The following LAMA2 variants were observed in gnomAD, a reference collection of about 807,000 sequenced individuals.
LAMA2 encodes laminin subunit alpha-2.
LAMA2 carries 269 observed loss-of-function variants against 364.8 expected under a neutral mutation model. That is an observed-to-expected ratio of 0.74 (90% CI 0.67 to 0.82). LAMA2 has a LOEUF of 0.82. LAMA2 is among the 40% of genes least tolerant of loss of function. LAMA2 has a pLI of 0.00. For missense variants in LAMA2, 3,807 were observed against 3,873.2 expected (o/e 0.98, Z 0.45); for synonymous variants, 1,379 against 1,370.6 (o/e 1.01, Z -0.14).
At chr6:129,389,852 C>G (rs1442336930) in intron 35 of LAMA2, among the ~76,000 whole-genome samples, 1 of 152,104 alleles carries the variant, frequency 6.6e-6, no homozygotes, top group Non-Finnish European at 1.5e-5. Flanking sequence ...CAGTCACCAC[C>G]CACCAGGCCC....
At chr6:129,456,662 A>T (rs1290102542) in intron 48 of LAMA2, among the ~76,000 whole-genome samples, 168 bp downstream of exon 48, 1 of 152,182 alleles carries the variant, frequency 6.6e-6, no homozygotes, top group Admixed American at 6.5e-5. Flanking sequence ...TTCTTTGACG[A>T]TTCAACCTGG....
chr6:129,040,855 A>G (rs999452034), intron 1 of LAMA2, among the ~76,000 whole-genome samples: 11 of 152,298 alleles, frequency 7.2e-5, no homozygotes, highest in African/African-American at 2.6e-4. Flanking sequence ...GAAATATATC[A>G]TAGGACTTGT....
chr6:128,890,182 A>G lies in LAMA2; in HGVS notation c.112+6825A>G, dbSNP rs1484439493. On this transcript the variant is annotated intron_variant, in intron 1 of 64. Transcript: ENST00000421865. ...GTGCCAGATGGTTTAGATTGGTATA[A>G]TAATATGTAGTGCATTGTGAGCATT... Among the ~76,000 whole-genome samples, 3 of 152,296 alleles carry G rather than the reference A, an allele frequency of 2.0e-5. No homozygotes were observed. The South Asian group carries it at 6.2e-4, about 32-fold the overall frequency.
At chr6:129,089,351 T>C (rs1774659224) in intron 3 of LAMA2, among the ~76,000 whole-genome samples, 1 of 152,242 alleles carries the variant, frequency 6.6e-6, no homozygotes, top group Admixed American at 6.5e-5. Context: ...ATGTCATAAA[T>C]TGGAGAATGT....
chr6:129,495,212 T>C lies in LAMA2; in HGVS notation c.8244+2729T>C, dbSNP rs147593313. Among the ~76,000 whole-genome samples the C allele has an allele frequency of 1.5e-3, 235 of 152,310 alleles. 2 individuals are homozygous for C. The highest frequency in any genetic ancestry group is 5.4e-3 in the African/African-American group (226 of 41,572). On this transcript the variant is annotated intron_variant, in intron 58 of 64. Transcript: ENST00000421865. Reference sequence around the variant, plus strand: ...GTCCCTAAAACTTCTATGTAATGATTGTATTTCTATAGGCAAACACATTAC... The same window carrying C: ...GTCCCTAAAACTTCTATGTAATGATCGTATTTCTATAGGCAAACACATTAC...
chr6:128,911,866 C>G (rs1777988990), intron 1 of LAMA2, among the ~76,000 whole-genome samples: 1 of 152,110 alleles, frequency 6.6e-6, no homozygotes, highest in East Asian at 1.9e-4. Flanking sequence ...TTTCATCTGT[C>G]TTAGAATTTC....
rs559393690 is a variant in LAMA2, at chr6:128,970,119, T to C, written c.113-79799T>C. 3.9e-5 allele frequency among the ~76,000 whole-genome samples: 6 copies of C among 152,290 alleles called. No individual in the cohort carries two copies. The South Asian group carries it at 8.3e-4, about 21-fold the overall frequency. The stretch of plus-strand genomic sequence containing the variant: ...TTATAAGTCATAAGCTGCAAGTCAG[T>C]AGCATCATTATGTTGATGAATTACC... On this transcript the variant is annotated intron_variant, in intron 1 of 64. Coordinates refer to ENST00000421865, the MANE Select transcript of LAMA2 (RefSeq NM_000426.4).
At chr6:128,905,488 A>T (rs1777384896) in intron 1 of LAMA2, 1 of 152,170 alleles carries the variant, frequency 6.6e-6, no homozygotes, top group Non-Finnish European at 1.5e-5. Flanking sequence ...TGCAGTTATA[A>T]GTCTATAACT....
intron 4 of LAMA2, among the ~76,000 whole-genome samples, chr6:129,103,451 T>C (rs1361428066): frequency 6.6e-6 from 1 of 152,222 alleles, no homozygotes; most frequent in African/African-American, 2.4e-5. Flanking sequence ...TATTGTTATC[T>C]AAACCACAGA....
intron 1 of LAMA2, among the ~76,000 whole-genome samples, chr6:129,008,806 A>G (rs1258287417): frequency 6.6e-6 from 1 of 152,170 alleles, no homozygotes; most frequent in Non-Finnish European, 1.5e-5. Context: ...TACTTTTTGG[A>G]TAGAATCAGT....
chr6:129,291,723 A>C lies in LAMA2; in HGVS notation c.2856+3A>C, dbSNP rs1244055222. On this transcript the variant is annotated splice_donor_region_variant and intron_variant, in intron 20 of 64. Transcript: ENST00000421865. The stretch of plus-strand genomic sequence containing the variant: ...GTCAGAGATGTGACAAATGCAAGGT[A>C]AGGAGTAGAGGCTGACCCATAAATT... 2.5e-6 allele frequency: 4 copies of C among 1,598,090 alleles called. No homozygotes were observed. The highest frequency in any genetic ancestry group is 1.3e-5 in the African/African-American group (1 of 74,554).
At chr6:129,141,136 G>C (rs1778100668) in intron 4 of LAMA2, among the ~76,000 whole-genome samples, 1 of 152,046 alleles carries the variant, frequency 6.6e-6, no homozygotes, top group African/African-American at 2.4e-5. Flanking sequence ...TTTGGGGACA[G>C]TCAAGAGAGA....
At chr6:129,327,899 T>G (rs145163319) in intron 28 of LAMA2, among the ~76,000 whole-genome samples, 1 of 152,344 alleles carries the variant, frequency 6.6e-6, no homozygotes, top group East Asian at 1.9e-4. Context: ...ATTTGCTAGT[T>G]ATCCATCAAG....
intron 3 of LAMA2, among the ~76,000 whole-genome samples, chr6:129,092,454 G>T (rs1774902125): frequency 6.6e-6 from 1 of 152,116 alleles, no homozygotes; most frequent in African/African-American, 2.4e-5. Context: ...TTCCTATTTG[G>T]ATAAATAAGA....
intron 54 of LAMA2, among the ~76,000 whole-genome samples, chr6:129,481,017 C>T (rs1255735803): frequency 6.6e-6 from 1 of 152,064 alleles, no homozygotes; most frequent in African/African-American, 2.4e-5. Flanking sequence ...AAATCAAAAG[C>T]TCTAGAATAA....
chr6:129,419,851 C>A (rs557840949), intron 40 of LAMA2, among the ~76,000 whole-genome samples: 1 of 152,196 alleles, frequency 6.6e-6, no homozygotes, highest in Admixed American at 6.5e-5. Context: ...CCAAAGCCGT[C>A]TCTTTGGGGT....
At chr6:129,432,376 C>T (rs552157724) in intron 41 of LAMA2, among the ~76,000 whole-genome samples, 7 of 152,286 alleles carry the variant, frequency 4.6e-5, no homozygotes, top group African/African-American at 9.6e-5. Flanking sequence ...AAGAGCGAGA[C>T]GTAGCTTGTC....
intron 17 of LAMA2, among the ~76,000 whole-genome samples, chr6:129,271,676 A>C (rs265400): frequency 0.99 from 150,678 of 152,040 alleles, 74,679 homozygotes; most frequent in Middle Eastern, 1. Flanking sequence ...AAAGGAAATT[A>C]TTTTCTGAAG....
At chr6:129,141,805 A>T (rs867783273) in intron 4 of LAMA2, among the ~76,000 whole-genome samples, 2 of 152,142 alleles carry the variant, frequency 1.3e-5, no homozygotes, top group Middle Eastern at 3.4e-3. Flanking sequence ...CATCTCCCAG[A>T]TAGCACAGAA....
Sources: gnomAD v4.1 joint callset for allele counts (sites outside exome capture counted in the v4.1 genomes callset) on GRCh38, gnomAD v4.1.1 for gene constraint, MANE v1.5 for transcripts, NCBI Gene and HGNC (gene_info 2026-07-23, HGNC 2026-07-21) for gene names.